CARD10: variants seen among roughly 807,000 people sequenced by gnomAD.
CARD10 encodes the protein caspase recruitment domain-containing protein 10.
CARD10 carries 49 observed loss-of-function variants against 114.6 expected under a neutral mutation model. The observed-to-expected ratio is 0.43, with a 90% CI of 0.34 to 0.54. The LOEUF is 0.54. CARD10 is among the 20% of genes least tolerant of loss of function. The pLI is 0.03. For missense variants in CARD10, 1,206 were observed against 1,397.2 expected (o/e 0.86, Z 2.18); for synonymous variants, 602 against 593.2 (o/e 1.01, Z -0.21).
Position 37,492,629 on chromosome 22 carries a change from G to C in CARD10, c.2635+15C>G, listed in dbSNP as rs201027754. ...GAGGGGCACCCAGCCTCCCCTCCCC[G>C]GCACATAGTCTCACCCGCTGGGCAC... On this transcript the variant is annotated intron_variant, in intron 17 of 19. Transcript: ENST00000251973. This position sits in a 1 kb window ranked among gnomAD's most constrained non-coding sequence, Gnocchi z 5.7. 1 of 1,611,674 alleles carries C rather than the reference G, an allele frequency of 6.2e-7. No homozygotes were observed. Among genetic ancestry groups the C allele is most frequent in the Non-Finnish European group, 8.5e-7 (1 of 1,179,124 alleles).
At chr22:37,493,445 A>G (rs1922879813) in intron 16 of CARD10, among the ~76,000 whole-genome samples, 2 of 152,098 alleles carry the variant, frequency 1.3e-5, no homozygotes, top group Non-Finnish European at 2.9e-5. Context: ...CCCCCTAATT[A>G]GACAGCAAGC....
chr22:37,518,191 C>A, intron 1 of CARD10, 83 bp from the exon 2 acceptor site: 1 of 1,408,256 alleles, frequency 7.1e-7, no homozygotes. Context: ...CACCATGCTC[C>A]AGGCCCACGT....
intron 11 of CARD10, 30 bp downstream of exon 11, chr22:37,502,572 A>C (rs764451460): frequency 6.2e-7 from 1 of 1,608,736 alleles, no homozygotes; most frequent in Non-Finnish European, 8.5e-7. Context: ...CAATCACCCC[A>C]GCTCCACCCA....
rs1033085887 is a variant in CARD10 at position 37,509,065 on chromosome 22, G to A, written c.910-383C>T. 4.5e-6 allele frequency: 7 copies of A among 1,549,278 alleles called. No individual in the cohort carries two copies. In the African/African-American group the frequency reaches 9.6e-5, roughly 21 times the overall value. On this transcript the variant is annotated intron_variant, in intron 4 of 19. Transcript: ENST00000251973. ...GACCTACTCCCACCCCCATGACTAG[G>A]GGTCTTCAAGGGGCTGAGCCTGGCC... is the stretch of plus-strand genomic sequence containing the variant.
In CARD10 at chr22:37,507,891, A is replaced by G. The variant is rs1322066454; in HGVS notation, c.1129T>C (p.Tyr377His). The G allele has an allele frequency of 5.6e-6, 9 of 1,614,140 alleles. No individual in the cohort carries two copies. The highest frequency in any genetic ancestry group is 7.6e-6 in the Non-Finnish European group (9 of 1,179,988). The stretch of plus-strand genomic sequence containing the variant: ...AGGACAGTGGCCATGCGGTGCTTGT[A>G]CAGGTCACAGTCCTTCTGCAGCGTG... ...HRTLQKDCDL[Y>H]KHRMATVLAQ... The change falls in exon 6 of 20, where the codon TAC becomes CAC. Residue 377 changes from tyrosine (Y) to histidine (H), a missense_variant. Tyr to His is a moderately conservative substitution (Grantham distance 83). Coordinates refer to ENST00000251973, the MANE Select transcript of CARD10 (RefSeq NM_014550.4).
rs1922908502 is a variant in CARD10, at chr22:37,494,184, T to C, written c.2378A>G (p.Lys793Arg). 1 of 1,552,402 alleles carries C rather than the reference T, an allele frequency of 6.4e-7. No individual in the cohort carries two copies. The highest frequency in any genetic ancestry group is 1.7e-4 in the Middle Eastern group (1 of 5,726). Residue 793 changes from lysine to arginine, a missense_variant, in exon 16 of 20, where the codon AAG becomes AGG. Coordinates refer to ENST00000251973, the MANE Select transcript of CARD10 (RefSeq NM_014550.4). ...CCGCAGCTGGTCCAGGGCTCTCTTC[T>C]TCAGCTGGGAGGGTGCAGGGACAGA... ...SRHRGPRSNL[K>R]KRALDQLRLV...
chr22:37,491,881 C>T lies in CARD10; in HGVS notation c.2752-14G>A, dbSNP rs371845957. 2.5e-6 allele frequency: 4 copies of T among 1,580,404 alleles called. No homozygotes were observed. Among genetic ancestry groups the T allele is most frequent in the South Asian group, 1.1e-5 (1 of 90,526 alleles). On this transcript the variant is annotated splice_polypyrimidine_tract_variant and intron_variant, in intron 18 of 19. Coordinates refer to ENST00000251973, the MANE Select transcript of CARD10 (RefSeq NM_014550.4). ...CAGGCAGTGCTTCTGCTTGGAGGAT[C>T]GAGGCTACAATGTACTCCTGGGCCA...
chr22:37,508,150 GAGA>G (rs1163877932), intron 5 of CARD10, among the ~76,000 whole-genome samples, 196 bp from the exon 6 acceptor site: 1 of 152,106 alleles, frequency 6.6e-6, no homozygotes, highest in Non-Finnish European at 1.5e-5. Context: ...TCTGTAAAAC[GAGA>G]AGAATGATCA....
At position 37,491,336 on chromosome 22, in the gene CARD10, G is replaced by A; in HGVS notation, c.2922C>T (p.Gly974=). The A allele has an allele frequency of 6.5e-7, 1 of 1,549,762 alleles. No individual in the cohort carries two copies. The highest frequency in any genetic ancestry group is 8.7e-7 in the Non-Finnish European group (1 of 1,151,892). Residue 974 remains glycine (G), a synonymous_variant, in exon 20 of 20, where the codon GGC becomes GGT. Transcript: ENST00000251973. ...RDSELLRQCR[G]SEQVLWGLPC... is the part of the protein sequence containing the mutation. The stretch of plus-strand genomic sequence containing the variant: ...GCAGCCCCCAGAGCACCTGCTCTGA[G>A]CCACGGCACTGCCGCAGCAGCTCTG...
chr22:37,518,452 T>G (rs1045581101), intron 1 of CARD10, among the ~76,000 whole-genome samples: 4 of 152,200 alleles, frequency 2.6e-5, no homozygotes, highest in African/African-American at 9.7e-5. Flanking sequence ...TGCCTGAAAT[T>G]CCACCATTAA....
chr22:37,503,286 G>A (rs1923286487), intron 9 of CARD10, 73 bp from the exon 10 acceptor site: 3 of 1,417,322 alleles, frequency 2.1e-6, no homozygotes, highest in Non-Finnish European at 2.9e-6. Context: ...CCCTCCTCCT[G>A]CCCCCACACC....
intron 15 of CARD10, 129 bp downstream of exon 15, chr22:37,495,388 G>T: frequency 1.4e-6 from 1 of 705,766 alleles, no homozygotes; most frequent in South Asian, 1.8e-5. Context: ...CATAGTAGAT[G>T]ACCAATTAAA....
At chr22:37,509,607 C>T (rs1222684954) in intron 4 of CARD10, among the ~76,000 whole-genome samples, 1 of 149,780 alleles carries the variant, frequency 6.7e-6, no homozygotes. Flanking sequence ...CGAGCCCTGG[C>T]CCTAGTACCT....
At position 37,496,642 on chromosome 22, in the gene CARD10, T is replaced by G. The variant is rs1601809310; in HGVS notation, c.1948-82A>C. ...CCAGGGGCTGGAGGAAGACCAGGTG[T>G]GGGGGTGTTTCATGCCTCACAGTTC... On this transcript the variant is annotated intron_variant, in intron 12 of 19. Coordinates refer to ENST00000251973, the MANE Select transcript of CARD10 (RefSeq NM_014550.4). The surrounding 1 kb of genome is among the most constrained non-coding windows in gnomAD (Gnocchi z 4.1). The G allele has an allele frequency of 3.0e-6, 3 of 989,938 alleles. No homozygotes were observed. Among genetic ancestry groups the G allele is most frequent in the Non-Finnish European group, 4.7e-6 (3 of 643,730 alleles). The allele number at this position is 989,938 out of a possible 1,614,324, so 61.3% of individuals were successfully genotyped here. A position where few individuals can be genotyped will look rare whatever the true frequency, so the allele number is the denominator to read the frequency against.
At position 37,496,474 on chromosome 22, in the gene CARD10, T is replaced by G; in HGVS notation, c.2034A>C (p.Thr678=). 6.2e-7 allele frequency: 1 copy of G among 1,612,466 alleles called. No homozygotes were observed. The highest frequency in any genetic ancestry group is 8.5e-7 in the Non-Finnish European group (1 of 1,179,268). Reference sequence around the variant, plus strand: ...CCTTCGAGTCCATCAGGGAGGGGAGTGTGGACCCCTGATTCCAGAGCAAGG... The same window carrying G: ...CCTTCGAGTCCATCAGGGAGGGGAGGGTGGACCCCTGATTCCAGAGCAAGG... The part of the protein sequence containing the change: ...QRTLLWNQGS[T]LPSLMDSKAC... The change falls in exon 13 of 20, where the codon ACA becomes ACC. Residue 678 remains threonine, a synonymous_variant. Transcript: ENST00000251973. This position sits in a 1 kb window ranked among gnomAD's most constrained non-coding sequence, Gnocchi z 4.1.
chr22:37,492,810 A>T lies in CARD10; in HGVS notation c.2477-8T>A. ...TGAGGCTCCGCTCCGGCTCTGTGGC[A>T]GGGGAGGGGCGCAAAAGAGATAAGG... On this transcript the variant is annotated splice_region_variant and splice_polypyrimidine_tract_variant and intron_variant, in intron 16 of 19. Coordinates refer to ENST00000251973, the MANE Select transcript of CARD10 (RefSeq NM_014550.4). This position sits in a 1 kb window ranked among gnomAD's most constrained non-coding sequence, Gnocchi z 5.7. 1 of 1,609,122 alleles carries T rather than the reference A, an allele frequency of 6.2e-7. No individual in the cohort carries two copies. The highest frequency in any genetic ancestry group is 8.5e-7 in the Non-Finnish European group (1 of 1,179,172).
At chr22:37,494,210 G>T in intron 15 of CARD10, 22 bp from the exon 16 acceptor site, 1 of 1,511,490 alleles carries the variant, frequency 6.6e-7, no homozygotes, top group Non-Finnish European at 9.0e-7. Flanking sequence ...CAGGGACAGA[G>T]GAGCATCTGA....
intron 3 of CARD10, chr22:37,510,642 C>A: frequency 1.8e-6 from 1 of 559,058 alleles, no homozygotes; most frequent in African/African-American, 1.9e-5. Context: ...GCCAAGGACA[C>A]CCTCCCAGGG....
At chr22:37,516,955 T>C (rs1382441319) in intron 2 of CARD10, among the ~76,000 whole-genome samples, 1 of 152,138 alleles carries the variant, frequency 6.6e-6, no homozygotes, top group African/African-American at 2.4e-5. Context: ...CATATCAGAA[T>C]GGTAAAAACG....
Sources: gnomAD v4.1 joint callset for allele counts (sites outside exome capture counted in the v4.1 genomes callset) on GRCh38, gnomAD v4.1.1 for gene constraint, Gnocchi (gnomAD v3.1) non-coding constraint, MANE v1.5 for transcripts, NCBI Gene and HGNC (gene_info 2026-07-23, HGNC 2026-07-21) for gene names.